SYNE1: variants seen among roughly 807,000 people sequenced by gnomAD.
The protein encoded by SYNE1 is spectrin repeat containing nuclear envelope protein 1.
In SYNE1, 616 loss-of-function variants were observed where a neutral mutation model predicts 1,111.0. That is an observed-to-expected ratio of 0.55 (90% CI 0.52 to 0.59). SYNE1 has a LOEUF of 0.59. Among genes scored for constraint, SYNE1 ranks in the 20% least tolerant of loss-of-function variants. The pLI is 0.00. For missense variants in SYNE1, 10,006 were observed against 10,417.0 expected (o/e 0.96, Z 1.72); for synonymous variants, 3,855 against 3,825.8 (o/e 1.01, Z -0.28).
intron 3 of SYNE1, among the ~76,000 whole-genome samples, chr6:152,597,922 A>G (rs2099586347): frequency 6.6e-6 from 1 of 152,098 alleles, no homozygotes; most frequent in African/African-American, 2.4e-5. Context: ...TCATTTTTCT[A>G]AGACTAGGAA....
At chr6:152,183,929 A>T (rs993306069) in intron 128 of SYNE1, among the ~76,000 whole-genome samples, 12 of 139,120 alleles carry the variant, frequency 8.6e-5, no homozygotes, top group African/African-American at 3.2e-4. Flanking sequence ...GATATTCAAA[A>T]ATAGTTCATC....
At chr6:152,197,001 C>G (rs1456903677) in intron 127 of SYNE1, among the ~76,000 whole-genome samples, 1 of 152,136 alleles carries the variant, frequency 6.6e-6, no homozygotes, top group African/African-American at 2.4e-5. Flanking sequence ...TGTAAATGCT[C>G]CCTCCGTGGG....
intron 3 of SYNE1, among the ~76,000 whole-genome samples, chr6:152,574,525 T>G (rs1025606162): frequency 6.6e-6 from 1 of 152,176 alleles, no homozygotes; most frequent in Non-Finnish European, 1.5e-5. Context: ...CTTCAGTCTT[T>G]GTTGGTTGAT....
chr6:152,439,387 G>C (rs181444883), intron 32 of SYNE1, among the ~76,000 whole-genome samples: 1 of 152,132 alleles, frequency 6.6e-6, no homozygotes, highest in Non-Finnish European at 1.5e-5. Flanking sequence ...TTTAATACAC[G>C]AAATAATTTA....
intron 93 of SYNE1, among the ~76,000 whole-genome samples, chr6:152,299,173 A>C (rs1224400589): frequency 6.6e-6 from 1 of 152,320 alleles, no homozygotes; most frequent in East Asian, 1.9e-4. Flanking sequence ...TAGAAAAGGT[A>C]TATTTTTTCC....
intron 130 of SYNE1, among the ~76,000 whole-genome samples, chr6:152,174,675 C>T (rs554283522): frequency 1.1e-4 from 17 of 152,288 alleles, no homozygotes; most frequent in South Asian, 2.1e-4. Context: ...CTCCAGGACA[C>T]GCGCTTTGGA....
chr6:152,508,657 G>A (rs2623972), intron 8 of SYNE1, among the ~76,000 whole-genome samples: 32,250 of 152,162 alleles, frequency 0.21, 3,530 homozygotes, highest in Middle Eastern at 0.32. Context: ...GCAGTCACCA[G>A]TCTTCTCCCT....
chr6:152,583,826 G>A (rs1473463923), intron 3 of SYNE1, among the ~76,000 whole-genome samples: 7 of 152,144 alleles, frequency 4.6e-5, no homozygotes, highest in African/African-American at 1.7e-4. Flanking sequence ...AATTAGACTC[G>A]GGTGGGCCTG....
chr6:152,489,552 T>C (rs531526969), intron 11 of SYNE1, among the ~76,000 whole-genome samples: 1 of 152,066 alleles, frequency 6.6e-6, no homozygotes, highest in South Asian at 2.1e-4. Flanking sequence ...TCAATTGTTT[T>C]GCTGAGAATT....
chr6:152,386,987 G>T, intron 54 of SYNE1, 85 bp downstream of exon 54: 2 of 1,221,988 alleles, frequency 1.6e-6, no homozygotes, highest in Non-Finnish European at 2.2e-6. Flanking sequence ...ACCTGACCTT[G>T]GCAACAGTCA....
chr6:152,490,655 G>C (rs1010589885), intron 11 of SYNE1, among the ~76,000 whole-genome samples: 12 of 152,118 alleles, frequency 7.9e-5, no homozygotes, highest in South Asian at 2.1e-4. Flanking sequence ...ACCTTTTTCG[G>C]ACTCAGTCTG....
At position 152,465,711 on chromosome 6, in the gene SYNE1, C is replaced by T. The variant is rs566983574; in HGVS notation, c.1730-251G>A. Among the ~76,000 whole-genome samples the T allele has an allele frequency of 2.8e-4, 42 of 151,366 alleles. No homozygotes were observed. In the South Asian group the frequency reaches 8.5e-3, roughly 31 times the overall value. ...GTATTCTATGCTTTTGCCTTTAATCCTTAGATGCAATTTAGAAAATGAATG... is the reference window on the plus strand; with the variant it reads ...GTATTCTATGCTTTTGCCTTTAATCTTTAGATGCAATTTAGAAAATGAATG... On this transcript the variant is annotated intron_variant, in intron 17 of 145. Coordinates refer to ENST00000367255, the MANE Select transcript of SYNE1 (RefSeq NM_182961.4).
chr6:152,186,526 A>G lies in SYNE1; in HGVS notation c.23301+2726T>C, dbSNP rs2070014192. Among the ~76,000 whole-genome samples the G allele has an allele frequency of 1.5e-5, 2 of 129,502 alleles. 1 individual carries two copies. The highest frequency in any genetic ancestry group is 5.3e-4 in the South Asian group (2 of 3,802). The allele number at this position is 129,502 out of a possible 152,430, so 85.0% of individuals were successfully genotyped here. ...AGCCGAGATCACACCATTGCACTCC[A>G]GCCTGGGCAACAAGAGAGCAGCTCT... On this transcript the variant is annotated intron_variant, in intron 128 of 145. Coordinates refer to ENST00000367255, the MANE Select transcript of SYNE1 (RefSeq NM_182961.4).
At chr6:152,143,960 T>G (rs1253357212) in intron 137 of SYNE1, 195 bp from the exon 138 acceptor site, 1 of 728,944 alleles carries the variant, frequency 1.4e-6, no homozygotes, top group Non-Finnish European at 2.3e-6. Flanking sequence ...ATGAAGGTGC[T>G]TGACTGAGAG....
intron 66 of SYNE1, 81 bp downstream of exon 66, chr6:152,358,292 C>G (rs927532767): frequency 1.3e-6 from 2 of 1,595,896 alleles, no homozygotes; most frequent in Non-Finnish European, 1.7e-6. Flanking sequence ...CTCAAGGTTT[C>G]TATTAACTTC....
chr6:152,387,487 C>T, intron 53 of SYNE1, 106 bp from the exon 54 acceptor site: 1 of 1,165,706 alleles, frequency 8.6e-7, no homozygotes, highest in Non-Finnish European at 1.2e-6. Context: ...TTGAATGCTA[C>T]TGGAAGTGAT....
At chr6:152,533,590 A>G (rs1454605217) in intron 4 of SYNE1, among the ~76,000 whole-genome samples, 2 of 152,018 alleles carry the variant, frequency 1.3e-5, no homozygotes, top group African/African-American at 2.4e-5. Context: ...TACTGCTACT[A>G]TCTTGGTCCA....
At position 152,231,459 on chromosome 6, in the gene SYNE1, C is replaced by G. The variant is rs1294028953; in HGVS notation, c.20971G>C (p.Asp6991His). Residue 6991 changes from aspartate to histidine, a missense_variant, in exon 114 of 146, where the codon GAT becomes CAT. Physicochemically the swap from Asp to His is moderately conservative, Grantham distance 81. Transcript: ENST00000367255. ...DVESKRSDKT[D>H]FAEQLGAMNK... Reference sequence around the variant, plus strand: ...ATTGCTCCAAGTTGCTCAGCAAAATCAGTCTTATCACTACGCTTACTTTCC... The same window carrying G: ...ATTGCTCCAAGTTGCTCAGCAAAATGAGTCTTATCACTACGCTTACTTTCC... 1 of 1,614,124 alleles carries G rather than the reference C, an allele frequency of 6.2e-7. No individual in the cohort carries two copies. The highest frequency in any genetic ancestry group is 1.1e-5 in the South Asian group (1 of 91,080).
intron 127 of SYNE1, among the ~76,000 whole-genome samples, chr6:152,197,440 T>A (rs1183212552): frequency 6.6e-6 from 1 of 152,184 alleles, no homozygotes; most frequent in Non-Finnish European, 1.5e-5. Flanking sequence ...CCCAGATCCA[T>A]CATAGGAATC....
Sources: allele counts gnomAD v4.1 joint callset (sites outside exome capture counted in the v4.1 genomes callset), GRCh38; gene constraint gnomAD v4.1.1; transcripts MANE v1.5; gene names NCBI Gene and HGNC (gene_info 2026-07-23, HGNC 2026-07-21).